Variants in SLC45A4 observed in about 807,000 individuals in gnomAD.
The protein encoded by SLC45A4 is solute carrier family 45 member 4, also known as polyamine-transporter SLC45A4.
SLC45A4 carries 32 observed loss-of-function variants against 63.7 expected under a neutral mutation model. That is an observed-to-expected ratio of 0.50 (90% CI 0.38 to 0.67). The LOEUF is 0.67. SLC45A4 is among the 30% of genes least tolerant of loss of function. The pLI is 0.00. For synonymous variants in SLC45A4, 535 were observed against 510.0 expected, an observed-to-expected ratio of 1.05 and a Z score of -0.66; for missense variants, 1,027 against 1,157.7, an observed-to-expected ratio of 0.89 and a Z score of 1.64.
In SLC45A4 at chr8:141,247,073, G is replaced by A. The variant is rs142417824; in HGVS notation, c.241+6916C>T. Among the ~76,000 whole-genome samples the A allele has an allele frequency of 4.8e-3, 727 of 152,254 alleles. 5 individuals are homozygous for A. Among genetic ancestry groups the A allele is most frequent in the Middle Eastern group, 0.01 (3 of 294 alleles). ...AAAATAAACAACAGAGGAAAAAACC[G>A]AATGAAGCTGAAAGCATAGTCTTTG... On this transcript the variant is annotated intron_variant, in intron 2 of 8. Coordinates refer to ENST00000517878, the MANE Select transcript of SLC45A4 (RefSeq NM_001286646.2).
chr8:141,232,574 C>T (rs1455224478), intron 2 of SLC45A4, among the ~76,000 whole-genome samples: 1 of 152,118 alleles, frequency 6.6e-6, no homozygotes, highest in African/African-American at 2.4e-5. Context: ...CACTCAACGG[C>T]TCCCAGGTGA....
intron 3 of SLC45A4, 76 bp from the exon 4 acceptor site, chr8:141,219,905 G>A (rs1826495235): frequency 1.5e-6 from 2 of 1,359,646 alleles, no homozygotes; most frequent in African/African-American, 1.5e-5. Flanking sequence ...ACAGCCACAT[G>A]GAAGGGGCAT....
chr8:141,244,953 T>TGGGG (rs1332452740), intron 2 of SLC45A4, among the ~76,000 whole-genome samples: 3 of 27,756 alleles, frequency 1.1e-4, no homozygotes, highest in South Asian at 1.7e-3. Context: ...CAAGAAGACG[T>TGGGG]GGGTGGGGGG....
In SLC45A4 at chr8:141,269,247, T is replaced by C. The variant is rs183460464; in HGVS notation, c.-400-14618A>G. 2.6e-5 allele frequency among the ~76,000 whole-genome samples: 4 copies of C among 152,372 alleles called. No individual in the cohort carries two copies. In the East Asian group the frequency reaches 7.7e-4, roughly 29 times the overall value. On this transcript the variant is annotated intron_variant, in intron 1 of 8. Transcript: ENST00000517878. ...ACCCCAGCACTTCAGAGATGAATGA[T>C]CTAAAGCTTAATTGTGCCTTAAGTC...
At chr8:141,268,914 A>G (rs1166719164) in intron 1 of SLC45A4, among the ~76,000 whole-genome samples, 1 of 152,228 alleles carries the variant, frequency 6.6e-6, no homozygotes, top group African/African-American at 2.4e-5. Context: ...TCCCAGACAC[A>G]TGGGCTAAAG....
chr8:141,244,070 T>C (rs1287448406), intron 2 of SLC45A4, among the ~76,000 whole-genome samples: 1 of 152,120 alleles, frequency 6.6e-6, no homozygotes, highest in African/African-American at 2.4e-5. Context: ...GGGTCAGCTG[T>C]ATACCCAACT....
At chr8:141,230,084 G>T (rs1827263835) in intron 2 of SLC45A4, 1 of 456,164 alleles carries the variant, frequency 2.2e-6, no homozygotes, top group African/African-American at 2.0e-5. Context: ...CTTACTCTCG[G>T]TAAATGAATT....
intron 2 of SLC45A4, among the ~76,000 whole-genome samples, chr8:141,222,690 C>T (rs1048285384): frequency 3.3e-5 from 5 of 152,242 alleles, no homozygotes; most frequent in African/African-American, 9.6e-5. Flanking sequence ...CTTGTGCAGC[C>T]GTGAGCACGA....
At position 141,215,781 on chromosome 8, in the gene SLC45A4, C is replaced by G; in HGVS notation, c.1919G>C (p.Gly640Ala). The change falls in exon 7 of 9, where the codon GGC becomes GCC. Residue 640 changes from glycine (G) to alanine (A), a missense_variant. By Grantham distance (60) the Gly-to-Ala change is moderately conservative. Coordinates refer to ENST00000517878, the MANE Select transcript of SLC45A4 (RefSeq NM_001286646.2). This position sits in a 1 kb window ranked among gnomAD's most constrained non-coding sequence, Gnocchi z 4.3. ...SISYCPYALL[G>A]QYHDIKQYIH... ...CACCTGCTTGATGTCATGGTACTGG[C>G]CCAGCAGGGCGTACGGGCAGTAGGA... is the stretch of plus-strand genomic sequence containing the variant. 1 of 1,613,696 alleles carries G rather than the reference C, an allele frequency of 6.2e-7. No individual in the cohort carries two copies. The highest frequency in any genetic ancestry group is 8.5e-7 in the Non-Finnish European group (1 of 1,180,000).
chr8:141,251,594 G>A (rs34547120), intron 2 of SLC45A4, among the ~76,000 whole-genome samples: 44,286 of 151,712 alleles, frequency 0.29, 7,014 homozygotes, highest in Non-Finnish European at 0.36. Flanking sequence ...AGCTGCGCCC[G>A]GTCTCCTACG....
At chr8:141,222,818 TGCCCTTGGCAGGGGGCAGGGG>T (rs919809059) in intron 2 of SLC45A4, among the ~76,000 whole-genome samples, 1 of 152,102 alleles carries the variant, frequency 6.6e-6, no homozygotes, top group Non-Finnish European at 1.5e-5. Flanking sequence ...GGGTGCCGGT[TGCCCTTGGCAGGGGGCAGGGG>T]GCAGTGGCTG....
At chr8:141,244,861 C>G (rs1828091075) in intron 2 of SLC45A4, among the ~76,000 whole-genome samples, 2 of 151,046 alleles carry the variant, frequency 1.3e-5, no homozygotes, top group African/African-American at 4.9e-5. Flanking sequence ...GCCCACTCAG[C>G]CCTGTGCGAT....
Position 141,215,948 on chromosome 8 carries a change from G to T in SLC45A4, c.1752C>A (p.Asp584Glu), listed in dbSNP as rs1358914521. Residue 584 changes from aspartate (D) to glutamate (E), a missense_variant, in exon 7 of 9, where the codon GAC (aspartate) becomes GAA (glutamate). By Grantham distance (45) the Asp-to-Glu change is conservative. Coordinates refer to ENST00000517878, the MANE Select transcript of SLC45A4 (RefSeq NM_001286646.2). This position sits in a 1 kb window ranked among gnomAD's most constrained non-coding sequence, Gnocchi z 4.3. ...ICSALLQKYL[D>E]NYDLSVRVIY... ...TCACCCTGACGCTCAGGTCGTAGTT[G>T]TCCAAGTACTTCTGTAACAGGGCTG... The T allele has an allele frequency of 6.2e-7, 1 of 1,613,866 alleles. No homozygotes were observed. The highest frequency in any genetic ancestry group is 8.5e-7 in the Non-Finnish European group (1 of 1,179,958).
intron 1 of SLC45A4, among the ~76,000 whole-genome samples, chr8:141,258,885 C>CT (rs71504830): frequency 0.012 from 1,467 of 119,524 alleles, 19 homozygotes; most frequent in African/African-American, 0.044. Context: ...AGTGAGACCT[C>CT]TTTTTTTTAA....
At chr8:141,277,917 A>C (rs1056434807) in intron 1 of SLC45A4, among the ~76,000 whole-genome samples, 1 of 151,980 alleles carries the variant, frequency 6.6e-6, no homozygotes. Context: ...GAAAAAAACA[A>C]TTTTTTAAGA....
Position 141,256,753 on chromosome 8 carries a change from T to C in SLC45A4, c.-400-2124A>G, listed in dbSNP as rs1302718285. 7.6e-6 allele frequency: 3 copies of C among 394,748 alleles called. No individual in the cohort carries two copies. The highest frequency in any genetic ancestry group is 1.6e-5 in the Non-Finnish European group (3 of 190,988). 24.5% of individuals were successfully genotyped at this position (394,748 alleles called of 1,614,324 possible). On this transcript the variant is annotated intron_variant, in intron 1 of 8. Transcript: ENST00000517878. The surrounding 1 kb of genome is among the most constrained non-coding windows in gnomAD (Gnocchi z 4.3). ...CCACACGACAGCCCTCGAGAATTCT[T>C]TCAAGTTTTCCAAATGTCCTCTACC...
chr8:141,280,179 CTG>C (rs552311194), intron 1 of SLC45A4, among the ~76,000 whole-genome samples: 7 of 152,338 alleles, frequency 4.6e-5, no homozygotes, highest in South Asian at 4.1e-4. Flanking sequence ...ACCTTGGGCA[CTG>C]TGAGTGAGAC....
At chr8:141,293,609 T>C (rs1357963830) in intron 1 of SLC45A4, among the ~76,000 whole-genome samples, 1 of 152,142 alleles carries the variant, frequency 6.6e-6, no homozygotes, top group East Asian at 1.9e-4. Flanking sequence ...GGAAATGCAT[T>C]TTCTGTGTAC....
In SLC45A4 at chr8:141,229,532, C is replaced by G. The variant is rs1442607329; in HGVS notation, c.242-7767G>C. Among the ~76,000 whole-genome samples the G allele has an allele frequency of 6.6e-6, 1 of 152,156 alleles. No homozygotes were observed. Among genetic ancestry groups the G allele is most frequent in the Non-Finnish European group, 1.5e-5 (1 of 68,018 alleles). ...CCCTGGTGTCCAGGCACTCCCTTGTCAAGGCCACAAGCTTCAAGGCAGTGG... is the reference window on the plus strand; with the variant it reads ...CCCTGGTGTCCAGGCACTCCCTTGTGAAGGCCACAAGCTTCAAGGCAGTGG... On this transcript the variant is annotated intron_variant, in intron 2 of 8. Transcript: ENST00000517878. The surrounding 1 kb of genome is among the most constrained non-coding windows in gnomAD (Gnocchi z 5.0).
Sources: gnomAD v4.1 joint callset for allele counts (sites outside exome capture counted in the v4.1 genomes callset) on GRCh38, gnomAD v4.1.1 for gene constraint, Gnocchi (gnomAD v3.1) non-coding constraint, MANE v1.5 for transcripts, NCBI Gene and HGNC (gene_info 2026-07-23, HGNC 2026-07-21) for gene names.